CLEC9A: variants seen among roughly 807,000 people sequenced by gnomAD.
CLEC9A encodes C-type lectin domain containing 9A, also known as C-type lectin domain family 9 member A.
CLEC9A carries 24 observed loss-of-function variants against 30.0 expected under a neutral mutation model. The ratio of observed to expected loss-of-function variants is 0.80; its 90% CI spans 0.58 to 1.13. The LOEUF (loss-of-function observed/expected upper bound fraction) is 1.13, where lower values mean the gene tolerates loss of function less well. Among genes scored for constraint, CLEC9A ranks in the 50% most tolerant of loss-of-function variants. The pLI is 0.00. For synonymous variants in CLEC9A, 111 were observed against 96.8 expected (o/e 1.15, Z -0.86); for missense variants, 251 against 280.9 (o/e 0.89, Z 0.76).
At chr12:10,059,483 C>CA (rs1273693824) in intron 5 of CLEC9A, among the ~76,000 whole-genome samples, 1 of 152,090 alleles carries the variant, frequency 6.6e-6, no homozygotes, top group East Asian at 1.9e-4. Context: ...AAACATAGGA[C>CA]AAAATCTTCA....
Position 10,064,808 on chromosome 12 carries a change from G to A in CLEC9A, c.548G>A (p.Ser183Asn). The change falls in exon 8 of 9, where the codon AGC becomes AAC. Residue 183 changes from serine to asparagine, a missense_variant. Ser to Asn is a conservative substitution (Grantham distance 46, BLOSUM62 1). Coordinates refer to ENST00000355819, the MANE Select transcript of CLEC9A (RefSeq NM_207345.4). Reference sequence around the variant, plus strand: ...GTGGGGTTGTCTCAGGATGGACACAGCGGACGCTGGCTTTGGCAAGATGGC... The same window carrying A: ...GTGGGGTTGTCTCAGGATGGACACAACGGACGCTGGCTTTGGCAAGATGGC... ...YWVGLSQDGH[S>N]GRWLWQDGSS... The A allele has an allele frequency of 1.2e-6, 2 of 1,613,564 alleles. No individual in the cohort carries two copies. Among genetic ancestry groups the A allele is most frequent in the Non-Finnish European group, 1.7e-6 (2 of 1,179,716 alleles).
At chr12:10,032,949 C>T (rs957251119) in intron 1 of CLEC9A, among the ~76,000 whole-genome samples, 6 of 152,114 alleles carry the variant, frequency 3.9e-5, no homozygotes, top group African/African-American at 1.4e-4. Flanking sequence ...ACTGTTTCAT[C>T]CTACTTTTCC....
chr12:10,058,771 C>T (rs891491695), intron 5 of CLEC9A, among the ~76,000 whole-genome samples: 6 of 152,184 alleles, frequency 3.9e-5, no homozygotes, highest in African/African-American at 1.4e-4. Flanking sequence ...TCTCGAACTC[C>T]TGACCTCAAG....
chr12:10,055,048 G>A (rs1168943065), intron 5 of CLEC9A, among the ~76,000 whole-genome samples: 1 of 152,122 alleles, frequency 6.6e-6, no homozygotes. Context: ...GTTCAGATTC[G>A]CATTCACAAA....
chr12:10,054,561 C>T (rs1865923672), intron 5 of CLEC9A, among the ~76,000 whole-genome samples: 1 of 152,140 alleles, frequency 6.6e-6, no homozygotes, highest in Admixed American at 6.6e-5. Context: ...TAACTCAAAT[C>T]ATGTGCTATA....
chr12:10,061,390 G>A (rs1329291593), intron 6 of CLEC9A, 117 bp downstream of exon 6: 3 of 1,090,420 alleles, frequency 2.8e-6, no homozygotes, highest in East Asian at 5.7e-5. Flanking sequence ...TATAATAAGA[G>A]TGACATAATT....
intron 3 of CLEC9A, chr12:10,052,398 A>C: frequency 1.5e-6 from 1 of 646,136 alleles, no homozygotes; most frequent in African/African-American, 1.9e-5. Flanking sequence ...CACCTTCAAC[A>C]TCTGCTACAT....
At chr12:10,065,142 G>C (rs1866032164) in intron 8 of CLEC9A, among the ~76,000 whole-genome samples, 1 of 152,092 alleles carries the variant, frequency 6.6e-6, no homozygotes, top group Non-Finnish European at 1.5e-5. Flanking sequence ...TTAATGTTTA[G>C]AGAATAACTA....
At position 10,064,758 on chromosome 12, in the gene CLEC9A, G is replaced by T; in HGVS notation, c.498G>T (p.Lys166Asn). ...ATTTTATCACTGGCAGCTTGAGGAA[G>T]ATTAAAGGAAGCTATGATTACTGGG... is the stretch of plus-strand genomic sequence containing the variant. ...EMDFITGSLRKIKGSYDYWVG... is the reference protein window; with the variant it reads ...EMDFITGSLRNIKGSYDYWVG... The change falls in exon 8 of 9, where the codon AAG becomes AAT. Residue 166 changes from lysine to asparagine, a missense_variant. By Grantham distance (94) the Lys-to-Asn change is moderately conservative. Coordinates refer to ENST00000355819, the MANE Select transcript of CLEC9A (RefSeq NM_207345.4). 1.2e-6 allele frequency: 2 copies of T among 1,612,230 alleles called. No individual in the cohort carries two copies. The highest frequency in any genetic ancestry group is 1.7e-6 in the Non-Finnish European group (2 of 1,179,100).
chr12:10,044,640 A>G (rs1368497315), intron 2 of CLEC9A, among the ~76,000 whole-genome samples: 4 of 152,170 alleles, frequency 2.6e-5, no homozygotes, highest in Non-Finnish European at 4.4e-5. Context: ...CACTTCTTCA[A>G]TGAGGCTAAG....
At chr12:10,047,322 T>C (rs775740838) in intron 2 of CLEC9A, among the ~76,000 whole-genome samples, 4 of 152,226 alleles carry the variant, frequency 2.6e-5, no homozygotes, top group Admixed American at 2.0e-4. Flanking sequence ...TGTTCATACA[T>C]CACTATGGCA....
At chr12:10,052,532 G>T (rs530106224) in intron 3 of CLEC9A, 98 bp from the exon 4 acceptor site, 2 of 1,309,708 alleles carry the variant, frequency 1.5e-6, no homozygotes, top group South Asian at 2.5e-5. Flanking sequence ...CTGAATGAAG[G>T]TGCATCTATT....
chr12:10,053,360 A>G (rs1865912580), intron 4 of CLEC9A, among the ~76,000 whole-genome samples: 2 of 152,200 alleles, frequency 1.3e-5, no homozygotes, highest in Non-Finnish European at 1.5e-5. Context: ...ATCGAGTGGA[A>G]GACTCTATCC....
At chr12:10,051,026 G>C (rs187140973) in intron 2 of CLEC9A, among the ~76,000 whole-genome samples, 1 of 152,108 alleles carries the variant, frequency 6.6e-6, no homozygotes, top group African/African-American at 2.4e-5. Flanking sequence ...CCAACATAGT[G>C]AAACCCTGTC....
At chr12:10,037,196 C>G (rs974752854) in intron 1 of CLEC9A, among the ~76,000 whole-genome samples, 4 of 152,028 alleles carry the variant, frequency 2.6e-5, no homozygotes, top group Non-Finnish European at 4.4e-5. Flanking sequence ...TAGGTAAAAT[C>G]AAGGAATAGA....
At chr12:10,061,635 G>A (rs975886537) in intron 6 of CLEC9A, among the ~76,000 whole-genome samples, 7 of 152,112 alleles carry the variant, frequency 4.6e-5, no homozygotes, top group Non-Finnish European at 8.8e-5. Context: ...ATTTAGTTTA[G>A]ATATTGTTTT....
At chr12:10,054,452 A>G in intron 5 of CLEC9A, 101 bp downstream of exon 5, 1 of 732,206 alleles carries the variant, frequency 1.4e-6, no homozygotes, top group Non-Finnish European at 2.2e-6. Context: ...AATGCACATA[A>G]ATGATATAAA....
intron 2 of CLEC9A, chr12:10,043,172 G>GT (rs1865812686): frequency 2.5e-6 from 1 of 400,656 alleles, no homozygotes; most frequent in East Asian, 8.5e-5. Context: ...ATCAACAGCT[G>GT]TGGAGGGATT....
chr12:10,051,786 G>A (rs1865894589), intron 2 of CLEC9A, among the ~76,000 whole-genome samples: 1 of 152,242 alleles, frequency 6.6e-6, no homozygotes, highest in Admixed American at 6.5e-5. Flanking sequence ...AGATGTGGCA[G>A]AAATGCTAAA....
Sources: allele counts gnomAD v4.1 joint callset (sites outside exome capture counted in the v4.1 genomes callset), GRCh38; gene constraint gnomAD v4.1.1; transcripts MANE v1.5; gene names NCBI Gene and HGNC (gene_info 2026-07-23, HGNC 2026-07-21).